The following SPOCK1 variants were observed in gnomAD, a reference collection of about 807,000 sequenced individuals.
The protein encoded by SPOCK1 is testican-1.
SPOCK1 carries 23 observed loss-of-function variants against 55.3 expected under a neutral mutation model. The observed-to-expected ratio is 0.42, with a 90% CI of 0.30 to 0.59. The LOEUF (loss-of-function observed/expected upper bound fraction) is 0.59. Among genes scored for constraint, SPOCK1 ranks in the 20% least tolerant of loss-of-function variants. The pLI is 0.22. For synonymous variants in SPOCK1, 226 were observed against 221.0 expected, an observed-to-expected ratio of 1.02 and a Z score of -0.20; for missense variants, 499 against 552.5, an observed-to-expected ratio of 0.90 and a Z score of 0.97.
intron 2 of SPOCK1, among the ~76,000 whole-genome samples, chr5:137,441,177 T>G (rs756206259): frequency 6.6e-5 from 10 of 152,230 alleles, no homozygotes; most frequent in Non-Finnish European, 1.3e-4. Flanking sequence ...ACTGGAAAAC[T>G]GATGAGGTTT....
chr5:137,219,834 G>A (rs1755811272), intron 3 of SPOCK1, among the ~76,000 whole-genome samples: 1 of 152,194 alleles, frequency 6.6e-6, no homozygotes, highest in Non-Finnish European at 1.5e-5. Context: ...TTCCTGGAGA[G>A]ACATGATGAT....
intron 2 of SPOCK1, among the ~76,000 whole-genome samples, chr5:137,484,318 G>A (rs1754009806): frequency 6.6e-6 from 1 of 152,204 alleles, no homozygotes. Context: ...GCATTCCCAA[G>A]GCCAGGCACT....
intron 2 of SPOCK1, among the ~76,000 whole-genome samples, chr5:137,495,048 G>A (rs1754270331): frequency 6.6e-6 from 1 of 152,150 alleles, no homozygotes; most frequent in African/African-American, 2.4e-5. Context: ...CCTCCATCTG[G>A]CCAAAACTTC....
intron 7 of SPOCK1, among the ~76,000 whole-genome samples, chr5:136,991,470 A>G (rs1750946490): frequency 6.6e-6 from 1 of 152,218 alleles, no homozygotes; most frequent in African/African-American, 2.4e-5. Context: ...GTTTTGGCTG[A>G]AAACCAGATG....
intron 2 of SPOCK1, among the ~76,000 whole-genome samples, chr5:137,436,274 A>G (rs1752863208): frequency 6.6e-6 from 1 of 151,958 alleles, no homozygotes; most frequent in African/African-American, 2.4e-5. Flanking sequence ...CCTACTTTTC[A>G]TTTTTTATTA....
At chr5:137,418,613 G>T (rs1467166676) in intron 2 of SPOCK1, among the ~76,000 whole-genome samples, 8 of 152,178 alleles carry the variant, frequency 5.3e-5, no homozygotes, top group Non-Finnish European at 1.2e-4. Flanking sequence ...TTTTTGAGAA[G>T]TGTCTGTTCA....
At chr5:137,193,423 G>T (rs1188780939) in intron 3 of SPOCK1, among the ~76,000 whole-genome samples, 2 of 152,188 alleles carry the variant, frequency 1.3e-5, no homozygotes, top group African/African-American at 4.8e-5. Flanking sequence ...TAGTAACTGG[G>T]TGATGGAGGC....
chr5:137,366,182 C>A (rs1266928907), intron 2 of SPOCK1, among the ~76,000 whole-genome samples: 1 of 152,164 alleles, frequency 6.6e-6, no homozygotes, highest in Non-Finnish European at 1.5e-5. Context: ...CAAGAATACT[C>A]CCCCAGTGCT....
intron 3 of SPOCK1, among the ~76,000 whole-genome samples, chr5:137,181,537 G>C (rs1754968675): frequency 6.6e-6 from 1 of 152,240 alleles, no homozygotes. Flanking sequence ...AACAGTCACA[G>C]GGCTGGACTT....
At chr5:137,165,550 G>A (rs773249145) in intron 3 of SPOCK1, among the ~76,000 whole-genome samples, 3 of 152,068 alleles carry the variant, frequency 2.0e-5, no homozygotes, top group East Asian at 1.9e-4. Flanking sequence ...AGGAAAACAC[G>A]ACCTTACCAA....
intron 3 of SPOCK1, among the ~76,000 whole-genome samples, chr5:137,243,750 A>T (rs1403466600): frequency 6.6e-6 from 1 of 152,136 alleles, no homozygotes; most frequent in Non-Finnish European, 1.5e-5. Context: ...ATGACTGAAC[A>T]TGGCTAGCTG....
At chr5:137,245,548 G>C (rs1420281500) in intron 3 of SPOCK1, among the ~76,000 whole-genome samples, 2 of 152,074 alleles carry the variant, frequency 1.3e-5, no homozygotes, top group African/African-American at 4.8e-5. Flanking sequence ...GGCAATAAAA[G>C]CATCAAAAAC....
At chr5:137,244,629 C>T (rs1027429104) in intron 3 of SPOCK1, among the ~76,000 whole-genome samples, 10 of 152,194 alleles carry the variant, frequency 6.6e-5, no homozygotes, top group African/African-American at 1.9e-4. Context: ...TCCCACCAGA[C>T]GACAGAGTCC....
intron 9 of SPOCK1, among the ~76,000 whole-genome samples, chr5:136,979,746 T>C (rs1750691615): frequency 6.6e-6 from 1 of 152,196 alleles, no homozygotes; most frequent in South Asian, 2.1e-4. Context: ...TAAATCGTGC[T>C]TACATATGTA....
chr5:137,243,878 C>A (rs1031713662), intron 3 of SPOCK1, among the ~76,000 whole-genome samples: 1 of 152,216 alleles, frequency 6.6e-6, no homozygotes, highest in East Asian at 1.9e-4. Flanking sequence ...CGCGGACTTG[C>A]ATTAACAGCA....
At chr5:137,418,073 T>A (rs557976859) in intron 2 of SPOCK1, among the ~76,000 whole-genome samples, 1 of 152,282 alleles carries the variant, frequency 6.6e-6, no homozygotes, top group Admixed American at 6.5e-5. Flanking sequence ...GTTGTCCTTG[T>A]GATAGTTAGC....
At chr5:137,199,644 T>C (rs1755376564) in intron 3 of SPOCK1, among the ~76,000 whole-genome samples, 1 of 152,120 alleles carries the variant, frequency 6.6e-6, no homozygotes, top group Non-Finnish European at 1.5e-5. Flanking sequence ...AGCAATTTCC[T>C]CTCAGCCTCT....
At position 137,112,545 on chromosome 5, in the gene SPOCK1, C is replaced by T. The variant is rs749349900; in HGVS notation, c.364G>A (p.Val122Met). 50 of 1,613,314 alleles carry T rather than the reference C, an allele frequency of 3.1e-5. 1 individual carries two copies. Among genetic ancestry groups the T allele is most frequent in the South Asian group, 1.2e-4 (11 of 91,002 alleles). Residue 122 changes from valine (V) to methionine (M), a missense_variant, in exon 5 of 11, where the codon GTG (valine) becomes ATG (methionine). Physicochemically the swap from Val to Met is conservative, Grantham distance 21. Coordinates refer to ENST00000394945, the MANE Select transcript of SPOCK1 (RefSeq NM_004598.4). ...HLLPRQKKGNVAQKHWVGPSN... is the reference protein window; with the variant it reads ...HLLPRQKKGNMAQKHWVGPSN... ...GGTCCAACCCAGTGTTTCTGGGCCA[C>T]GTTCCCCTTCTTTTGCCTAAAGATG...
intron 6 of SPOCK1, among the ~76,000 whole-genome samples, chr5:137,007,696 G>A (rs985771891): frequency 1.3e-5 from 2 of 152,162 alleles, no homozygotes; most frequent in African/African-American, 4.8e-5. Context: ...GGGTGGGAGT[G>A]TAAATTAATT....
Sources: gnomAD v4.1 joint callset for allele counts (sites outside exome capture counted in the v4.1 genomes callset) on GRCh38, gnomAD v4.1.1 for gene constraint, MANE v1.5 for transcripts, NCBI Gene and HGNC (gene_info 2026-07-23, HGNC 2026-07-21) for gene names.